Variants in CNTN5 observed in about 807,000 individuals in gnomAD.
The protein encoded by CNTN5 is contactin 5.
Under a neutral mutation model 129.1 loss-of-function variants are expected in CNTN5, and 77 were observed. That is an observed-to-expected ratio of 0.60 (90% CI 0.50 to 0.72). The LOEUF (loss-of-function observed/expected upper bound fraction) is 0.72. Among genes scored for constraint, CNTN5 ranks in the 30% least tolerant of loss-of-function variants. The pLI, the probability that CNTN5 is intolerant of heterozygous loss-of-function variation, is 0.00. For synonymous variants in CNTN5, 509 were observed against 465.6 expected (o/e 1.09, Z -1.20); for missense variants, 1,478 against 1,328.8 (o/e 1.11, Z -1.75).
chr11:99,620,747 T>C (rs1251503851), intron 3 of CNTN5, among the ~76,000 whole-genome samples: 2 of 151,912 alleles, frequency 1.3e-5, no homozygotes, highest in South Asian at 2.1e-4. Flanking sequence ...AATTTTATAG[T>C]GGTTTTCATT....
chr11:99,413,159 G>A (rs1447470738), intron 2 of CNTN5, among the ~76,000 whole-genome samples: 1 of 151,938 alleles, frequency 6.6e-6, no homozygotes, highest in Non-Finnish European at 1.5e-5. Context: ...AAAGCACCCT[G>A]AAAAAAATAC....
intron 13 of CNTN5, among the ~76,000 whole-genome samples, chr11:100,109,382 C>T (rs949043020): frequency 6.6e-6 from 1 of 152,160 alleles, no homozygotes; most frequent in African/African-American, 2.4e-5. Context: ...GCCAAGATTG[C>T]GCCGCTGTCC....
chr11:100,147,550 G>T (rs572114665), intron 13 of CNTN5, among the ~76,000 whole-genome samples: 17 of 152,002 alleles, frequency 1.1e-4, no homozygotes, highest in African/African-American at 3.4e-4. Flanking sequence ...CTCGGAAGCC[G>T]CGATTTATAC....
chr11:99,702,021 A>ACTGCAT (rs1479720058), intron 3 of CNTN5, among the ~76,000 whole-genome samples: 1 of 151,080 alleles, frequency 6.6e-6, no homozygotes, highest in Admixed American at 6.6e-5. Flanking sequence ...TTATTTATTT[A>ACTGCAT]CTGCATTTTT....
chr11:100,026,811 C>G lies in CNTN5; in HGVS notation c.980+24675C>G, dbSNP rs564253684. The stretch of plus-strand genomic sequence containing the variant: ...TCAGATGTCTTTGCAAATATTTTCA[C>G]TTAGTTTGTGGCTTGTCTTTTTATT... On this transcript the variant is annotated intron_variant, in intron 9 of 24. Coordinates refer to ENST00000524871, the MANE Select transcript of CNTN5 (RefSeq NM_014361.4). Among the ~76,000 whole-genome samples the G allele has an allele frequency of 7.9e-5, 12 of 152,122 alleles. No homozygotes were observed. The East Asian group carries it at 1.7e-3, about 22-fold the overall frequency.
In CNTN5 at chr11:100,276,962, C is replaced by A. The variant is rs118007586; in HGVS notation, c.2314+5721C>A. ...TTAACCATCTTCCCTTCCCCCCAACCCCCACTACCAACTACACTTCCCAGC... is the reference window on the plus strand; with the variant it reads ...TTAACCATCTTCCCTTCCCCCCAACACCCACTACCAACTACACTTCCCAGC... On this transcript the variant is annotated intron_variant, in intron 18 of 24. Transcript: ENST00000524871. Among the ~76,000 whole-genome samples the A allele has an allele frequency of 8.4e-3, 1,284 of 152,120 alleles. 10 individuals carry two copies. The highest frequency in any genetic ancestry group is 0.044 in the South Asian group (213 of 4,816).
At chr11:99,038,174 C>T (rs1297739253) in intron 1 of CNTN5, among the ~76,000 whole-genome samples, 1 of 152,002 alleles carries the variant, frequency 6.6e-6, no homozygotes, top group Non-Finnish European at 1.5e-5. Flanking sequence ...GGTCCTTGAC[C>T]TAATAACATC....
intron 3 of CNTN5, among the ~76,000 whole-genome samples, chr11:99,589,006 A>G (rs1949894670): frequency 6.6e-6 from 1 of 152,224 alleles, no homozygotes; most frequent in African/African-American, 2.4e-5. Context: ...TAACAAAAGC[A>G]ATAATATATG....
chr11:100,142,339 T>G (rs1946721197), intron 13 of CNTN5, among the ~76,000 whole-genome samples: 1 of 152,192 alleles, frequency 6.6e-6, no homozygotes, highest in African/African-American at 2.4e-5. Context: ...TCTGCCTATC[T>G]GTCTATCTGT....
intron 14 of CNTN5, among the ~76,000 whole-genome samples, chr11:100,192,533 A>G (rs550750133): frequency 8.5e-5 from 13 of 152,166 alleles, no homozygotes; most frequent in African/African-American, 3.1e-4. Flanking sequence ...GTCGCAAACA[A>G]TAGACCTAGA....
At chr11:99,494,788 T>C (rs1470639995) in intron 2 of CNTN5, among the ~76,000 whole-genome samples, 2 of 152,176 alleles carry the variant, frequency 1.3e-5, no homozygotes, top group Admixed American at 6.5e-5. Context: ...TCCAGTGCTG[T>C]ATAATTATTG....
chr11:99,726,386 T>G (rs1943339470), intron 3 of CNTN5, among the ~76,000 whole-genome samples: 2 of 152,212 alleles, frequency 1.3e-5, no homozygotes, highest in Non-Finnish European at 2.9e-5. Context: ...TGCTTTATCT[T>G]TTTTTGTTTA....
intron 15 of CNTN5, among the ~76,000 whole-genome samples, chr11:100,211,464 GAT>G (rs1314084630): frequency 6.6e-6 from 1 of 150,524 alleles, no homozygotes; most frequent in Non-Finnish European, 1.5e-5. Flanking sequence ...AGATCAGTCT[GAT>G]ATTGGGAAAA....
intron 2 of CNTN5, among the ~76,000 whole-genome samples, chr11:99,387,170 T>A (rs1940970395): frequency 6.6e-6 from 1 of 152,182 alleles, no homozygotes; most frequent in Admixed American, 6.6e-5. Context: ...TACATCTATT[T>A]GCCATAGGAA....
At chr11:100,289,446 T>A (rs569438573) in intron 18 of CNTN5, among the ~76,000 whole-genome samples, 18 of 151,014 alleles carry the variant, frequency 1.2e-4, no homozygotes, top group Non-Finnish European at 2.5e-4. Context: ...GATGCAAGGC[T>A]GGTTCAATAT....
chr11:99,811,677 T>C (rs1412930562), intron 3 of CNTN5, among the ~76,000 whole-genome samples: 1 of 151,776 alleles, frequency 6.6e-6, no homozygotes, highest in African/African-American at 2.4e-5. Flanking sequence ...TGTCCCAGGG[T>C]CATTATATTA....
chr11:99,968,144 A>G (rs1457333576), intron 8 of CNTN5, among the ~76,000 whole-genome samples: 1 of 152,148 alleles, frequency 6.6e-6, no homozygotes, highest in Admixed American at 6.5e-5. Flanking sequence ...AGATCTCACT[A>G]CTTCCTAAGG....
At chr11:100,049,520 T>C (rs2137729245) in intron 9 of CNTN5, among the ~76,000 whole-genome samples, 1 of 152,176 alleles carries the variant, frequency 6.6e-6, no homozygotes, top group South Asian at 2.1e-4. Context: ...CAACCACAGG[T>C]AATTATATTA....
chr11:99,620,054 G>T lies in CNTN5; in HGVS notation c.55+63785G>T, dbSNP rs188226449. ...AAAAAAAAACAAAAAACAAAGCTTAGATCAGTTGAGGGCTCTAAGCAATGT... is the reference window on the plus strand; with the variant it reads ...AAAAAAAAACAAAAAACAAAGCTTATATCAGTTGAGGGCTCTAAGCAATGT... On this transcript the variant is annotated intron_variant, in intron 3 of 24. Transcript: ENST00000524871. 1.4e-3 allele frequency among the ~76,000 whole-genome samples: 157 copies of T among 115,162 alleles called. 1 individual carries two copies. The highest frequency in any genetic ancestry group is 4.4e-3 in the African/African-American group (151 of 34,178). 75.6% of individuals were successfully genotyped at this position (115,162 alleles called of 152,430 possible).
Sources: gnomAD v4.1 joint callset for allele counts (sites outside exome capture counted in the v4.1 genomes callset) on GRCh38, gnomAD v4.1.1 for gene constraint, MANE v1.5 for transcripts, NCBI Gene and HGNC (gene_info 2026-07-23, HGNC 2026-07-21) for gene names.